ROBO1: variants seen among roughly 807,000 people sequenced by gnomAD.
ROBO1 encodes the protein roundabout guidance receptor 1, also known as roundabout homolog 1.
ROBO1 carries 149 observed loss-of-function variants against 195.9 expected under a neutral mutation model. The observed-to-expected ratio is 0.76, with a 90% CI of 0.67 to 0.87. The LOEUF is 0.87. Ranked by LOEUF, ROBO1 falls within the 40% of genes least tolerant of loss-of-function variation. The pLI, the probability that ROBO1 is intolerant of heterozygous loss-of-function variation, is 0.00. For missense variants in ROBO1, 1,933 were observed against 2,068.3 expected, an observed-to-expected ratio of 0.93 and a Z score of 1.27; for synonymous variants, 816 against 733.2, an observed-to-expected ratio of 1.11 and a Z score of -1.82.
chr3:79,708,559 A>G (rs1315958569), intron 1 of ROBO1, among the ~76,000 whole-genome samples: 1 of 152,158 alleles, frequency 6.6e-6, no homozygotes, highest in Non-Finnish European at 1.5e-5. Context: ...AAGGACAAGT[A>G]CTTTGTTCAA....
At chr3:79,222,672 A>T (rs1046058072) in intron 2 of ROBO1, among the ~76,000 whole-genome samples, 1 of 151,900 alleles carries the variant, frequency 6.6e-6, no homozygotes, top group East Asian at 1.9e-4. Flanking sequence ...TTATCAACAT[A>T]ATCCCTAGAT....
At position 78,990,195 on chromosome 3, in the gene ROBO1, T is replaced by C. The variant is rs140503642; in HGVS notation, c.173-51268A>G. Among the ~76,000 whole-genome samples, 215 of 152,328 alleles carry C rather than the reference T, an allele frequency of 1.4e-3. 4 individuals are homozygous for C. The highest frequency in any genetic ancestry group is 0.013 in the Admixed American group (199 of 15,288). On this transcript the variant is annotated intron_variant, in intron 3 of 30. Coordinates refer to ENST00000464233, the MANE Select transcript of ROBO1 (RefSeq NM_002941.4). The stretch of plus-strand genomic sequence containing the variant: ...GCACTAGATTTTGTTTCCCCCTTGG[T>C]GTTCTTTCAATCATTGTTGATTGGC...
chr3:79,040,758 A>G (rs1031676315), intron 3 of ROBO1, among the ~76,000 whole-genome samples: 1 of 152,220 alleles, frequency 6.6e-6, no homozygotes, highest in Non-Finnish European at 1.5e-5. Flanking sequence ...GTGGTTAACT[A>G]CAATTCCTAG....
chr3:78,659,692 C>A lies in ROBO1; in HGVS notation c.2436G>T (p.Glu812Asp). 6.5e-7 allele frequency: 1 copy of A among 1,547,924 alleles called. No homozygotes were observed. Among genetic ancestry groups the A allele is most frequent in the Non-Finnish European group, 8.7e-7 (1 of 1,143,682 alleles). The change falls in exon 17 of 31, where the codon GAG (glutamate) becomes GAT (aspartate). Residue 812 changes from glutamate (E) to aspartate (D), a missense_variant. Coordinates refer to ENST00000464233, the MANE Select transcript of ROBO1 (RefSeq NM_002941.4). ...PEDTQNGMVQ[E>D]YKVWCLGNET... is the part of the protein sequence containing the mutation. Reference sequence around the variant, plus strand: ...ATATATATTATACTCATACCTTATACTCTTGGACCATTCCATTTTGAGTGT... The same window carrying A: ...ATATATATTATACTCATACCTTATAATCTTGGACCATTCCATTTTGAGTGT...
At chr3:79,424,598 C>T (rs2038368463) in intron 2 of ROBO1, among the ~76,000 whole-genome samples, 1 of 152,098 alleles carries the variant, frequency 6.6e-6, no homozygotes, top group Non-Finnish European at 1.5e-5. Flanking sequence ...CTCCGTTTCT[C>T]ATGGAGCTTA....
At chr3:78,699,607 A>G (rs2081376560) in intron 8 of ROBO1, among the ~76,000 whole-genome samples, 1 of 150,802 alleles carries the variant, frequency 6.6e-6, no homozygotes, top group African/African-American at 2.4e-5. Context: ...TAATAATAAT[A>G]ATACAATTAC....
intron 2 of ROBO1, among the ~76,000 whole-genome samples, chr3:79,240,849 T>G (rs2082500642): frequency 6.6e-6 from 1 of 151,966 alleles, no homozygotes; most frequent in South Asian, 2.1e-4. Flanking sequence ...TCTCATGTTG[T>G]CCAGGATGTT....
At chr3:79,500,020 C>G (rs1939972194) in intron 2 of ROBO1, among the ~76,000 whole-genome samples, 1 of 151,190 alleles carries the variant, frequency 6.6e-6, no homozygotes, top group Non-Finnish European at 1.5e-5. Context: ...ATTAGTCAGG[C>G]TGCTTTCAAA....
chr3:79,343,397 G>A (rs1215394133), intron 2 of ROBO1, among the ~76,000 whole-genome samples: 1 of 152,094 alleles, frequency 6.6e-6, no homozygotes, highest in African/African-American at 2.4e-5. Context: ...GTTTAGTTTT[G>A]TAAGAAACTG....
intron 4 of ROBO1, among the ~76,000 whole-genome samples, chr3:78,794,621 A>C (rs930644789): frequency 2.0e-5 from 3 of 152,270 alleles, no homozygotes; most frequent in African/African-American, 4.8e-5. Context: ...TTTGTCACCC[A>C]GACTGGAGTG....
chr3:78,620,984 T>C (rs1704422933), intron 26 of ROBO1, among the ~76,000 whole-genome samples: 1 of 151,258 alleles, frequency 6.6e-6, no homozygotes. Context: ...ATATATTACA[T>C]TGAAAAAGTA....
chr3:79,182,568 T>TGTGTGTGTGTGTGCGTGC (rs1369326015), intron 2 of ROBO1, among the ~76,000 whole-genome samples: 1 of 151,614 alleles, frequency 6.6e-6, no homozygotes, highest in African/African-American at 2.4e-5. Flanking sequence ...TGTGTGTGTG[T>TGTGTGTGTGTGTGCGTGC]GTGCGTGCGT....
In ROBO1 at chr3:79,033,102, A is replaced by C. The variant is rs571406333; in HGVS notation, c.172+92354T>G. Among the ~76,000 whole-genome samples, 11 of 152,194 alleles carry C rather than the reference A, an allele frequency of 7.2e-5. No homozygotes were observed. In the East Asian group the frequency reaches 1.9e-3, roughly 27 times the overall value. On this transcript the variant is annotated intron_variant, in intron 3 of 30. Coordinates refer to ENST00000464233, the MANE Select transcript of ROBO1 (RefSeq NM_002941.4). ...AGATTTTAGTTTTTGTATTAGCTGAAAAGTTGATTATTTTACATAAACCTA... is the reference window on the plus strand; with the variant it reads ...AGATTTTAGTTTTTGTATTAGCTGACAAGTTGATTATTTTACATAAACCTA...
At chr3:79,525,645 G>A (rs1379013331) in intron 2 of ROBO1, among the ~76,000 whole-genome samples, 10 of 141,954 alleles carry the variant, frequency 7.0e-5, no homozygotes, top group East Asian at 2.1e-4. Context: ...TCGCTCTGTC[G>A]CCCAGGCTGG....
chr3:79,214,824 A>AT (rs1175881941), intron 2 of ROBO1, among the ~76,000 whole-genome samples: 1 of 139,368 alleles, frequency 7.2e-6, no homozygotes, highest in African/African-American at 2.9e-5. Context: ...ATATATATAT[A>AT]TATTTTTTTT....
intron 4 of ROBO1, among the ~76,000 whole-genome samples, chr3:78,749,190 C>A (rs1282083505): frequency 6.6e-6 from 1 of 151,902 alleles, no homozygotes; most frequent in African/African-American, 2.4e-5. Context: ...TTTGAAACAC[C>A]CAAAAGTAAA....
intron 3 of ROBO1, among the ~76,000 whole-genome samples, chr3:79,111,419 C>A (rs1368248782): frequency 2.6e-5 from 4 of 152,174 alleles, no homozygotes; most frequent in Non-Finnish European, 4.4e-5. Flanking sequence ...AATTACACTA[C>A]TTTTCCCTTG....
At chr3:79,388,185 C>T (rs1047302141) in intron 2 of ROBO1, among the ~76,000 whole-genome samples, 4 of 152,174 alleles carry the variant, frequency 2.6e-5, no homozygotes, top group South Asian at 2.1e-4. Context: ...TTCTTTCTTA[C>T]GCTAAAATTA....
chr3:79,381,984 C>T (rs191873714), intron 2 of ROBO1, among the ~76,000 whole-genome samples: 31 of 152,132 alleles, frequency 2.0e-4, no homozygotes, highest in African/African-American at 7.2e-4. Context: ...TAATCCATCT[C>T]GTATATTTAC....
Sources: gnomAD v4.1 joint callset for allele counts (sites outside exome capture counted in the v4.1 genomes callset) on GRCh38, gnomAD v4.1.1 for gene constraint, MANE v1.5 for transcripts, NCBI Gene and HGNC (gene_info 2026-07-23, HGNC 2026-07-21) for gene names.